Variants in PLPP4 observed in about 807,000 individuals in gnomAD.
PLPP4 encodes the protein phospholipid phosphatase 4.
PLPP4 carries 20 observed loss-of-function variants against 32.2 expected under a neutral mutation model. The observed-to-expected ratio is 0.62, with a 90% CI of 0.44 to 0.90. The LOEUF is 0.90. Among genes scored for constraint, PLPP4 ranks in the 40% least tolerant of loss-of-function variants. The probability of loss-of-function intolerance (pLI) is 0.00; values close to 1 mark genes in which losing one functional copy is unlikely to be tolerated. For missense variants in PLPP4, 257 were observed against 353.1 expected, an observed-to-expected ratio of 0.73 and a Z score of 2.18; for synonymous variants, 127 against 133.0, an observed-to-expected ratio of 0.95 and a Z score of 0.31.
chr10:120,588,005 C>T (rs187628014), intron 6 of PLPP4, among the ~76,000 whole-genome samples: 2 of 152,294 alleles, frequency 1.3e-5, no homozygotes, highest in Admixed American at 6.5e-5. Context: ...GGAATGAACC[C>T]GCCAGGGTGT....
chr10:120,589,261 A>G (rs1369563357), intron 6 of PLPP4, 42 bp from the exon 7 acceptor site: 5 of 1,589,228 alleles, frequency 3.1e-6, no homozygotes, highest in Non-Finnish European at 4.3e-6. Flanking sequence ...ACATTTGAAC[A>G]AATGGTAACC....
intron 2 of PLPP4, among the ~76,000 whole-genome samples, chr10:120,510,456 T>C (rs1845678307): frequency 6.6e-6 from 1 of 152,210 alleles, no homozygotes; most frequent in Admixed American, 6.5e-5. Flanking sequence ...GCTCATGTTT[T>C]TCCTCCACCT....
chr10:120,504,174 C>T (rs965823835), intron 2 of PLPP4, among the ~76,000 whole-genome samples: 8 of 152,226 alleles, frequency 5.3e-5, no homozygotes, highest in African/African-American at 1.9e-4. Flanking sequence ...AAATTTAATT[C>T]TCTCAGCAAG....
intron 5 of PLPP4, among the ~76,000 whole-genome samples, chr10:120,528,276 G>C (rs1480795188): frequency 6.6e-6 from 1 of 151,910 alleles, no homozygotes; most frequent in South Asian, 2.1e-4. Flanking sequence ...GGGTTTCACC[G>C]TGTTAGCCAG....
At chr10:120,586,197 C>T (rs1849750049) in intron 6 of PLPP4, among the ~76,000 whole-genome samples, 2 of 149,540 alleles carry the variant, frequency 1.3e-5, no homozygotes, top group Admixed American at 6.7e-5. Flanking sequence ...CGCAGTGGTA[C>T]GATCTTGGCT....
intron 1 of PLPP4, among the ~76,000 whole-genome samples, chr10:120,457,963 G>A (rs1037212200): frequency 2.6e-5 from 4 of 152,242 alleles, no homozygotes; most frequent in African/African-American, 4.8e-5. Context: ...GTGCCCGGTC[G>A]ATGTCCGCTT....
intron 6 of PLPP4, among the ~76,000 whole-genome samples, chr10:120,585,930 T>A (rs559786083): frequency 4.7e-4 from 72 of 152,308 alleles, no homozygotes; most frequent in African/African-American, 1.6e-3. Context: ...GAACCTGTAT[T>A]CCTTGCCTTT....
At chr10:120,562,388 A>G (rs61871757) in intron 5 of PLPP4, among the ~76,000 whole-genome samples, 13 of 152,126 alleles carry the variant, frequency 8.5e-5, no homozygotes, top group Non-Finnish European at 1.8e-4. Context: ...AAATAAGTAC[A>G]GTTTCATTTT....
rs1458412924 is a variant in PLPP4, at chr10:120,492,299, A to G, written c.57-11519A>G. Among the ~76,000 whole-genome samples, 5 of 152,238 alleles carry G rather than the reference A, an allele frequency of 3.3e-5. No homozygotes were observed. In the South Asian group the frequency reaches 8.3e-4, roughly 25 times the overall value. ...CAAAGGAAAGGCACCTTCTGTAGAA[A>G]GGTTTGAAAATAGTTGCACTAAACA... On this transcript the variant is annotated intron_variant, in intron 1 of 6. Transcript: ENST00000398250.
intron 1 of PLPP4, among the ~76,000 whole-genome samples, chr10:120,501,140 C>T (rs1459012161): frequency 6.6e-6 from 1 of 152,134 alleles, no homozygotes; most frequent in Non-Finnish European, 1.5e-5. Flanking sequence ...ACTACCTAGG[C>T]GATGAGCCCC....
intron 5 of PLPP4, among the ~76,000 whole-genome samples, chr10:120,532,952 T>C (rs1350803757): frequency 1.3e-5 from 2 of 152,122 alleles, no homozygotes; most frequent in Admixed American, 6.5e-5. Context: ...AGTATACAAG[T>C]TTTTGTGTGG....
Position 120,468,368 on chromosome 10 carries a change from T to G in PLPP4, c.56+11007T>G, listed in dbSNP as rs1431109708. 4.6e-5 allele frequency among the ~76,000 whole-genome samples: 3 copies of G among 65,468 alleles called. 1 individual carries two copies. Among genetic ancestry groups the G allele is most frequent in the African/African-American group, 9.8e-5 (3 of 30,748 alleles). 42.9% of individuals were successfully genotyped at this position (65,468 alleles called of 152,430 possible). A position where few individuals can be genotyped will look rare whatever the true frequency, so the allele number is the denominator to read the frequency against. ...GTTAGTTCTATAGTAGGTAGTTATT[T>G]GTTTACTTGAGAAGACATTTATAAC... On this transcript the variant is annotated intron_variant, in intron 1 of 6. Transcript: ENST00000398250.
At position 120,591,645 on chromosome 10, in the gene PLPP4, C is replaced by T. The variant is rs1849997172; in HGVS notation, c.*2143C>T. On this transcript the variant is annotated 3_prime_UTR_variant, in exon 7 of 7. Coordinates refer to ENST00000398250, the MANE Select transcript of PLPP4 (RefSeq NM_001030059.3). ...AAAAAAAACCCCATCCTGATGTGGC[C>T]CACATTCTTATTTGATTCTAGTTTT... is the stretch of plus-strand genomic sequence containing the variant. Among the ~76,000 whole-genome samples the T allele has an allele frequency of 6.6e-6, 1 of 151,494 alleles. No individual in the cohort carries two copies. The highest frequency in any genetic ancestry group is 1.5e-5 in the Non-Finnish European group (1 of 67,940).
At chr10:120,572,457 T>C (rs571160964) in intron 5 of PLPP4, among the ~76,000 whole-genome samples, 1 of 152,338 alleles carries the variant, frequency 6.6e-6, no homozygotes, top group Admixed American at 6.5e-5. Context: ...AAATTCCTGC[T>C]CAACAGCTGC....
intron 1 of PLPP4, among the ~76,000 whole-genome samples, chr10:120,490,489 T>G (rs190501464): frequency 6.6e-6 from 1 of 152,368 alleles, no homozygotes; most frequent in African/African-American, 2.4e-5. Context: ...ATAGACATGC[T>G]GTGGGAAGCT....
chr10:120,476,556 G>A (rs1015143568), intron 1 of PLPP4, among the ~76,000 whole-genome samples: 3 of 152,194 alleles, frequency 2.0e-5, no homozygotes, highest in Admixed American at 1.3e-4. Context: ...TGTTGCTGCA[G>A]TTGGGTGGGG....
At chr10:120,581,134 C>G in intron 6 of PLPP4, 1 of 985,434 alleles carries the variant, frequency 1.0e-6, no homozygotes, top group East Asian at 1.1e-4. Context: ...CTTCTGCCCT[C>G]TTCCTGCCTC....
chr10:120,518,412 T>G (rs559191931), intron 3 of PLPP4, among the ~76,000 whole-genome samples: 6 of 152,162 alleles, frequency 3.9e-5, no homozygotes, highest in Non-Finnish European at 8.8e-5. Flanking sequence ...TGCAGTAGGA[T>G]TCCAGCAGCT....
At chr10:120,568,115 G>A (rs1002354848) in intron 5 of PLPP4, among the ~76,000 whole-genome samples, 4 of 152,234 alleles carry the variant, frequency 2.6e-5, no homozygotes, top group African/African-American at 9.6e-5. Context: ...ACAGTAGCTT[G>A]AAGTCAATCT....
Sources: gnomAD v4.1 joint callset for allele counts (sites outside exome capture counted in the v4.1 genomes callset) on GRCh38, gnomAD v4.1.1 for gene constraint, MANE v1.5 for transcripts, NCBI Gene and HGNC (gene_info 2026-07-23, HGNC 2026-07-21) for gene names.